Variants in ERICH1 observed in about 807,000 individuals in gnomAD.
The protein encoded by ERICH1 is glutamate rich 1.
Under a neutral mutation model 39.6 loss-of-function variants are expected in ERICH1, and 56 were observed. The observed-to-expected ratio is 1.41, with a 90% confidence interval of 1.14 to 1.77. The LOEUF is 1.77. Among genes scored for constraint, ERICH1 ranks in the 40% most tolerant of loss-of-function variants. ERICH1 has a pLI of 0.00. For synonymous variants in ERICH1, 313 were observed against 223.6 expected, an observed-to-expected ratio of 1.40 and a Z score of -3.57; for missense variants, 826 against 575.4, an observed-to-expected ratio of 1.44 and a Z score of -4.45.
At chr8:720,620 T>C (rs1247760773) in intron 1 of ERICH1, among the ~76,000 whole-genome samples, 2 of 152,150 alleles carry the variant, frequency 1.3e-5, no homozygotes, top group Non-Finnish European at 2.9e-5. Context: ...CACATAAAGG[T>C]CTGTACAGTT....
intron 3 of ERICH1, among the ~76,000 whole-genome samples, chr8:682,137 C>T (rs996688327): frequency 6.6e-6 from 1 of 152,020 alleles, no homozygotes; most frequent in Non-Finnish European, 1.5e-5. Flanking sequence ...GTGGTCCCTG[C>T]ACCTAGGGTG....
intron 1 of ERICH1, among the ~76,000 whole-genome samples, chr8:726,378 GCATA>G (rs1160647205): frequency 2.0e-5 from 3 of 151,824 alleles, no homozygotes; most frequent in Middle Eastern, 3.5e-3. Flanking sequence ...GCACATGCAT[GCATA>G]GACACACAGG....
At chr8:721,781 A>G (rs758092650) in intron 1 of ERICH1, among the ~76,000 whole-genome samples, 1 of 152,218 alleles carries the variant, frequency 6.6e-6, no homozygotes, top group Non-Finnish European at 1.5e-5. Flanking sequence ...TCCCTCCAGA[A>G]TAACCAGGAC....
intron 1 of ERICH1, among the ~76,000 whole-genome samples, chr8:721,930 T>C (rs1037417872): frequency 6.6e-6 from 1 of 152,232 alleles, no homozygotes; most frequent in African/African-American, 2.4e-5. Context: ...GCCTCTTTTC[T>C]GTTTAATTCA....
rs761149217 is a variant in ERICH1 at position 673,337 on chromosome 8, T to C, written c.1015A>G (p.Ser339Gly). ...GTTGACTTCAAAAAATTTAGAATAC[T>C]GTGTGCCTTTTCATTGGTAATTGTA... ...DDTITNEKAH[S>G]ILNFLKSTQE... Residue 339 changes from serine to glycine, a missense_variant, in exon 4 of 6, where the codon AGT becomes GGT. Transcript: ENST00000262109. 9.3e-6 allele frequency: 15 copies of C among 1,613,968 alleles called. No homozygotes were observed. Among genetic ancestry groups the C allele is most frequent in the African/African-American group, 8.0e-5 (6 of 75,068 alleles).
intron 3 of ERICH1, among the ~76,000 whole-genome samples, chr8:630,492 T>C (rs866663521): frequency 1.3e-3 from 123 of 97,024 alleles, no homozygotes; most frequent in African/African-American, 3.4e-3. Context: ...CACACCCTCC[T>C]GTGACCACCC....
At chr8:707,784 AATAG>A (rs1233727785) in intron 2 of ERICH1, among the ~76,000 whole-genome samples, 1 of 152,252 alleles carries the variant, frequency 6.6e-6, no homozygotes, top group Non-Finnish European at 1.5e-5. Context: ...CAAAAGAAAA[AATAG>A]ATAAATTGGA....
At chr8:642,125 G>T (rs1278132717) in intron 3 of ERICH1, among the ~76,000 whole-genome samples, 1 of 152,116 alleles carries the variant, frequency 6.6e-6, no homozygotes, top group Non-Finnish European at 1.5e-5. Context: ...TGCAAAAAGG[G>T]GCGTGTGCAG....
chr8:650,399 G>GATGCC (rs1432654652), intron 3 of ERICH1, among the ~76,000 whole-genome samples: 1 of 152,220 alleles, frequency 6.6e-6, no homozygotes, highest in African/African-American at 2.4e-5. Flanking sequence ...CTGCCTCACG[G>GATGCC]ATGCCACCCA....
At chr8:686,951 G>GA (rs397821782) in intron 3 of ERICH1, among the ~76,000 whole-genome samples, 2 of 151,964 alleles carry the variant, frequency 1.3e-5, no homozygotes, top group South Asian at 2.1e-4. Context: ...GGAGCGGGGG[G>GA]CAGCCCCATC....
chr8:676,678 C>T (rs1384611316), intron 3 of ERICH1, among the ~76,000 whole-genome samples: 13 of 152,236 alleles, frequency 8.5e-5, no homozygotes, highest in Non-Finnish European at 1.9e-4. Flanking sequence ...ACCCAAGCCC[C>T]GCCCAGACAC....
intron 3 of ERICH1, among the ~76,000 whole-genome samples, chr8:690,743 A>G (rs556641227): frequency 3.4e-4 from 52 of 152,400 alleles, no homozygotes; most frequent in African/African-American, 1.2e-3. Flanking sequence ...TGCCAGGCAC[A>G]GCAAAGGCAA....
rs779022181 is a variant in ERICH1, at chr8:673,721, C to T, written c.631G>A (p.Val211Met). The T allele has an allele frequency of 8.1e-6, 13 of 1,614,218 alleles. No individual in the cohort carries two copies. The highest frequency in any genetic ancestry group is 2.2e-5 in the East Asian group (1 of 44,888). ...GVGEACEEDG[V>M]DTSEEDPTLA... ...GTCGGGTCTTCCTCGCTGGTGTCCA[C>T]ACCATCCTCCTCACAAGCCTCTCCC... The change falls in exon 4 of 6, where the codon GTG becomes ATG. Residue 211 changes from valine (V) to methionine (M), a missense_variant. By Grantham distance (21) the Val-to-Met change is conservative. Transcript: ENST00000262109.
intron 2 of ERICH1, among the ~76,000 whole-genome samples, chr8:698,917 T>A (rs113438162): frequency 1.6e-5 from 2 of 126,076 alleles, no homozygotes; most frequent in Admixed American, 1.6e-4. Context: ...TTTTTTTTTT[T>A]AACCAGGGAG....
At chr8:724,098 C>G (rs1817985462) in intron 1 of ERICH1, among the ~76,000 whole-genome samples, 1 of 152,206 alleles carries the variant, frequency 6.6e-6, no homozygotes, top group South Asian at 2.1e-4. Flanking sequence ...AAATAATCCT[C>G]AAATGGGACA....
chr8:724,209 A>T (rs1436415201), intron 1 of ERICH1, among the ~76,000 whole-genome samples: 2 of 152,184 alleles, frequency 1.3e-5, no homozygotes, highest in Non-Finnish European at 2.9e-5. Flanking sequence ...TAACCCTTCA[A>T]CAAAGAAGAA....
At position 673,289 on chromosome 8, in the gene ERICH1, C is replaced by T. The variant is rs752472349; in HGVS notation, c.1063G>A (p.Gly355Ser). Residue 355 changes from glycine to serine, a missense_variant and splice_region_variant, in exon 4 of 6, where the codon GGT (glycine) becomes AGT (serine). Physicochemically the swap from Gly to Ser is moderately conservative, Grantham distance 56 (BLOSUM62 0). Coordinates refer to ENST00000262109, the MANE Select transcript of ERICH1 (RefSeq NM_207332.3). ...KSTQEMYFYD[G>S]VSRDAASAAL... ...AAGAGAAAAACAGTAAAAAACATAC[C>T]GTCATAAAAATACATTTCCTGTGTT... 4 of 1,594,580 alleles carry T rather than the reference C, an allele frequency of 2.5e-6. No homozygotes were observed. The highest frequency in any genetic ancestry group is 1.1e-5 in the South Asian group (1 of 89,708).
downstream of ERICH1, among the ~76,000 whole-genome samples, chr8:661,498 C>T (rs2131747600): frequency 6.6e-6 from 1 of 152,322 alleles, no homozygotes; most frequent in East Asian, 1.9e-4. Context: ...GGCAACCTGA[C>T]AATTCCTCAT....
chr8:690,072 G>C (rs1377449325), intron 3 of ERICH1, among the ~76,000 whole-genome samples: 1 of 152,198 alleles, frequency 6.6e-6, no homozygotes, highest in Admixed American at 6.5e-5. Context: ...TGGAGAGCAA[G>C]ACGCAACCCC....
Sources: gnomAD v4.1 joint callset for allele counts (sites outside exome capture counted in the v4.1 genomes callset) on GRCh38, gnomAD v4.1.1 for gene constraint, MANE v1.5 for transcripts, NCBI Gene and HGNC (gene_info 2026-07-23, HGNC 2026-07-21) for gene names.